The following KRT19 variants were observed in gnomAD, a reference collection of about 807,000 sequenced individuals.
The protein encoded by KRT19 is keratin, type I cytoskeletal 19.
In KRT19, 21 loss-of-function variants were observed where a neutral mutation model predicts 34.6. The observed-to-expected ratio is 0.61, with a 90% confidence interval of 0.43 to 0.87. The LOEUF is 0.87. KRT19 is among the 40% of genes least tolerant of loss of function. The pLI, the probability that KRT19 is intolerant of heterozygous loss-of-function variation, is 0.00. For synonymous variants in KRT19, 240 were observed against 245.8 expected, an observed-to-expected ratio of 0.98 and a Z score of 0.22; for missense variants, 514 against 545.7, an observed-to-expected ratio of 0.94 and a Z score of 0.58.
In KRT19 at chr17:41,527,734, C is replaced by T. The variant is rs1905916038; in HGVS notation, c.420+94G>A. ...GACCTTCCCACGTCCTAACGGGCTC[C>T]TGCCCGCCGCCCCGCCTGGAACCTC... On this transcript the variant is annotated intron_variant, in intron 1 of 5. Transcript: ENST00000361566. 8 of 1,398,216 alleles carry T rather than the reference C, an allele frequency of 5.7e-6. No homozygotes were observed. The South Asian group carries it at 9.8e-5, about 17-fold the overall frequency. The allele number at this position is 1,398,216 out of a possible 1,614,324, so 86.6% of individuals were successfully genotyped here.
rs1312718809 is a variant in KRT19, at chr17:41,524,896, G to T, written c.607C>A (p.Gln203Lys). 6.2e-7 allele frequency: 1 copy of T among 1,614,226 alleles called. No individual in the cohort carries two copies. The change falls in exon 3 of 6, where the codon CAG (glutamine) becomes AAG (lysine). Residue 203 changes from glutamine (Q) to lysine (K), a missense_variant. Transcript: ENST00000361566. The stretch of plus-strand genomic sequence containing the variant: ...AGCTCTTCCTTCAGGCCTTCGATCT[G>T]CATCTCCAGGTCGGTCCTGGCCAGG... ...LTLARTDLEM[Q>K]IEGLKEELAY...
chr17:41,523,941 C>T lies in KRT19; in HGVS notation c.1005G>A (p.Leu335=). 1 of 1,613,736 alleles carries T rather than the reference C, an allele frequency of 6.2e-7. No individual in the cohort carries two copies. Among genetic ancestry groups the T allele is most frequent in the Non-Finnish European group, 8.5e-7 (1 of 1,179,762 alleles). The part of the protein sequence containing the change: ...AETEARFGAQ[L]AHIQALISGI... ...CGCTGATCAGCGCCTGGATATGCGC[C>T]AGCTGGGCTCCAAAGCGCGCCTCCG... The change falls in exon 6 of 6, where the codon CTG becomes CTA. Residue 335 remains leucine (L), a synonymous_variant. Transcript: ENST00000361566.
rs761264087 is a variant in KRT19, at chr17:41,527,787, G to A, written c.420+41C>T. On this transcript the variant is annotated intron_variant, in intron 1 of 5. Transcript: ENST00000361566. ...CCGGCCCGCGGGGCTGGGTTTCCGCGGCAGGTGCACTGCACTTCCCGCGGC... is the reference window on the plus strand; with the variant it reads ...CCGGCCCGCGGGGCTGGGTTTCCGCAGCAGGTGCACTGCACTTCCCGCGGC... 4 of 1,514,050 alleles carry A rather than the reference G, an allele frequency of 2.6e-6. No homozygotes were observed. In the East Asian group the frequency reaches 9.3e-5, roughly 35 times the overall value. The allele number at this position is 1,514,050 out of a possible 1,614,324, so 93.8% of individuals were successfully genotyped here.
chr17:41,524,776 G>A, intron 3 of KRT19, 67 bp downstream of exon 3: 2 of 1,562,172 alleles, frequency 1.3e-6, no homozygotes, highest in Non-Finnish European at 1.8e-6. Flanking sequence ...AGAGAATACA[G>A]AATAAAAGAG....
intron 1 of KRT19, 64 bp downstream of exon 1, chr17:41,527,764 G>T: frequency 2.0e-6 from 3 of 1,494,494 alleles, no homozygotes; most frequent in Non-Finnish European, 2.7e-6. Flanking sequence ...AACCTCGCCC[G>T]GCCCGCGGGG....
Position 41,528,055 on chromosome 17 carries a change from A to T in KRT19, c.193T>A (p.Tyr65Asn), listed in dbSNP as rs1434351545. 5 of 1,611,072 alleles carry T rather than the reference A, an allele frequency of 3.1e-6. No homozygotes were observed. The East Asian group carries it at 6.7e-5, about 22-fold the overall frequency. ...TCGGACGCGGTCAGGACGCCGCCGT[A>T]GCCGCCGCCGTAGGCCCCCGAGGAG... is the stretch of plus-strand genomic sequence containing the variant. ...SSSSGAYGGG[Y>N]GGVLTASDGL... is the part of the protein sequence containing the mutation. Residue 65 changes from tyrosine (Y) to asparagine (N), a missense_variant, in exon 1 of 6, where the codon TAC (tyrosine) becomes AAC (asparagine). Transcript: ENST00000361566.
chr17:41,525,582 A>G (rs1351195341), intron 1 of KRT19: 1 of 356,056 alleles, frequency 2.8e-6, no homozygotes, highest in East Asian at 5.8e-5. Context: ...AAGGGGGTCT[A>G]TAAACCAGAT....
Position 41,527,926 on chromosome 17 carries a change from G to A in KRT19, c.322C>T (p.Leu108=), listed in dbSNP as rs750302609. Residue 108 remains leucine (L), a synonymous_variant, in exon 1 of 6, where the codon CTA becomes TTA. Coordinates refer to ENST00000361566, the MANE Select transcript of KRT19 (RefSeq NM_002276.5). Reference sequence around the variant, plus strand: ...TACCAGTCGCGGATCTTCACCTCTAGCTCGCCGTTGGCCGCCTCCAGGGCG... The same window carrying A: ...TACCAGTCGCGGATCTTCACCTCTAACTCGCCGTTGGCCGCCTCCAGGGCG... ...VRALEAANGE[L]EVKIRDWYQK... 8.7e-6 allele frequency: 14 copies of A among 1,613,772 alleles called. No homozygotes were observed. In the South Asian group the frequency reaches 1.5e-4, roughly 18 times the overall value.
rs760711459 is a variant in KRT19, at chr17:41,524,960, G to A, written c.543C>T (p.Ala181=). The A allele has an allele frequency of 3.0e-5, 49 of 1,614,082 alleles. 2 individuals are homozygous for A. In the Admixed American group the frequency reaches 5.5e-4, roughly 18 times the overall value. Reference sequence around the variant, plus strand: ...GCACCCTGCGCAGGCCGTTGATGTCGGCCTCCACGCTCATGCGCAGAGCCT... The same window carrying A: ...GCACCCTGCGCAGGCCGTTGATGTCAGCCTCCACGCTCATGCGCAGAGCCT... ...TEQALRMSVE[A]DINGLRRVLD... The change falls in exon 3 of 6, where the codon GCC becomes GCT. Residue 181 remains alanine (A), a synonymous_variant. Coordinates refer to ENST00000361566, the MANE Select transcript of KRT19 (RefSeq NM_002276.5).
At chr17:41,525,511 G>A in intron 1 of KRT19, 1 of 537,594 alleles carries the variant, frequency 1.9e-6, no homozygotes, top group Non-Finnish European at 3.3e-6. Flanking sequence ...GGGAGGGCAG[G>A]AAGGCAAGCC....
intron 1 of KRT19, 177 bp from the exon 2 acceptor site, chr17:41,525,450 T>C (rs1905830955): frequency 1.8e-6 from 1 of 564,954 alleles, no homozygotes; most frequent in Non-Finnish European, 3.2e-6. Context: ...AAACAGTCCA[T>C]GCCCAGAAGC....
At chr17:41,524,601 G>T (rs934511649) in intron 3 of KRT19, 61 bp from the exon 4 acceptor site, 5 of 1,573,722 alleles carry the variant, frequency 3.2e-6, no homozygotes, top group Non-Finnish European at 4.4e-6. Flanking sequence ...CCTGGCCCAG[G>T]TCACTTCCCC....
Position 41,528,271 on chromosome 17 carries a change from C to T in KRT19, c.-24G>A. On this transcript the variant is annotated 5_prime_UTR_variant, in exon 1 of 6. Transcript: ENST00000361566. Reference sequence around the variant, plus strand: ...ATGGCGAGGCGGAGCACGGACGGAGCAACCCTGGTCTCAGAAGCTGCGATT... The same window carrying T: ...ATGGCGAGGCGGAGCACGGACGGAGTAACCCTGGTCTCAGAAGCTGCGATT... 1 of 1,505,626 alleles carries T rather than the reference C, an allele frequency of 6.6e-7. No individual in the cohort carries two copies. Among genetic ancestry groups the T allele is most frequent in the Non-Finnish European group, 8.8e-7 (1 of 1,137,562 alleles). 93.3% of individuals were successfully genotyped at this position (1,505,626 alleles called of 1,614,324 possible).
In KRT19 at chr17:41,523,860, C is replaced by A. The variant is rs1405575841; in HGVS notation, c.1086G>T (p.Glu362Asp). Residue 362 changes from glutamate (E) to aspartate (D), a missense_variant, in exon 6 of 6, where the codon GAG becomes GAT. Physicochemically the swap from Glu to Asp is conservative, Grantham distance 45 (BLOSUM62 2). Coordinates refer to ENST00000361566, the MANE Select transcript of KRT19 (RefSeq NM_002276.5). ...ACTTGATGTCCATGAGCCGCTGGTA[C>A]TCCTGATTCTGCCGCTCACTATCAG... ...VRADSERQNQ[E>D]YQRLMDIKSR... 1.2e-5 allele frequency: 20 copies of A among 1,613,970 alleles called. No individual in the cohort carries two copies. The highest frequency in any genetic ancestry group is 1.4e-5 in the Non-Finnish European group (17 of 1,180,052).
chr17:41,523,706 C>T lies in KRT19; in HGVS notation c.*37G>A, dbSNP rs776216842. The T allele has an allele frequency of 1.2e-6, 2 of 1,604,196 alleles. No homozygotes were observed. The highest frequency in any genetic ancestry group is 2.7e-5 in the African/African-American group (2 of 74,732). On this transcript the variant is annotated 3_prime_UTR_variant, in exon 6 of 6. Coordinates refer to ENST00000361566, the MANE Select transcript of KRT19 (RefSeq NM_002276.5). Reference sequence around the variant, plus strand: ...TCCCATCCCTCTACCCAGAAGACACCCTCCAAAGGACAGCAGAAGCCCCAG... The same window carrying T: ...TCCCATCCCTCTACCCAGAAGACACTCTCCAAAGGACAGCAGAAGCCCCAG...
At position 41,528,127 on chromosome 17, in the gene KRT19, C is replaced by G. The variant is rs1240858763; in HGVS notation, c.121G>C (p.Gly41Arg). Residue 41 changes from glycine (G) to arginine (R), a missense_variant, in exon 1 of 6, where the codon GGC becomes CGC. Coordinates refer to ENST00000361566, the MANE Select transcript of KRT19 (RefSeq NM_002276.5). ...GAGGACACGGATACGCCGCGGCCGC[C>G]GGAGCCCCCGTGAATGCTGGGCGCG... The part of the protein sequence containing the change: ...FRAPSIHGGS[G>R]GRGVSVSSAR... The G allele has an allele frequency of 2.5e-6, 4 of 1,605,372 alleles. No homozygotes were observed. The Admixed American group carries it at 5.1e-5, about 20-fold the overall frequency.
intron 2 of KRT19, 68 bp from the exon 3 acceptor site, chr17:41,525,067 C>A: frequency 6.3e-7 from 1 of 1,597,120 alleles, no homozygotes; most frequent in South Asian, 1.1e-5. Flanking sequence ...CCTACCTCCC[C>A]AGAGTTCAGG....
At chr17:41,526,046 A>G (rs937867444) in intron 1 of KRT19, among the ~76,000 whole-genome samples, 5 of 151,994 alleles carry the variant, frequency 3.3e-5, no homozygotes, top group African/African-American at 1.2e-4. Context: ...ATCTCGGCTC[A>G]CTGCAAGCCC....
Position 41,527,953 on chromosome 17 carries a change from G to A in KRT19, c.295C>T (p.Arg99Cys). The A allele has an allele frequency of 6.2e-7, 1 of 1,613,768 alleles. No individual in the cohort carries two copies. Among genetic ancestry groups the A allele is most frequent in the Non-Finnish European group, 8.5e-7 (1 of 1,179,904 alleles). ...TCGCCGTTGGCCGCCTCCAGGGCGC[G>A]CACCTTGTCCAGGTAGGAGGCCAGG... ...DRLASYLDKV[R>C]ALEAANGELE... The change falls in exon 1 of 6, where the codon CGC (arginine) becomes TGC (cysteine). Residue 99 changes from arginine (R) to cysteine (C), a missense_variant. Coordinates refer to ENST00000361566, the MANE Select transcript of KRT19 (RefSeq NM_002276.5).
Sources: allele counts gnomAD v4.1 joint callset (sites outside exome capture counted in the v4.1 genomes callset), GRCh38; gene constraint gnomAD v4.1.1; transcripts MANE v1.5; gene names NCBI Gene and HGNC (gene_info 2026-07-23, HGNC 2026-07-21).